Variants in PDE7B observed in about 807,000 individuals in gnomAD.
PDE7B encodes 3',5'-cyclic-AMP phosphodiesterase 7B.
PDE7B carries 29 observed loss-of-function variants against 56.2 expected under a neutral mutation model. The observed-to-expected ratio is 0.52, with a 90% CI of 0.38 to 0.70. PDE7B has a LOEUF of 0.70. Among genes scored for constraint, PDE7B ranks in the 30% least tolerant of loss-of-function variants. PDE7B has a pLI of 0.00. For synonymous variants in PDE7B, 197 were observed against 196.9 expected, an observed-to-expected ratio of 1.00 and a Z score of 0.00; for missense variants, 490 against 565.0, an observed-to-expected ratio of 0.87 and a Z score of 1.35.
At chr6:135,912,304 TA>T (rs1204503375) in intron 1 of PDE7B, among the ~76,000 whole-genome samples, 4 of 151,992 alleles carry the variant, frequency 2.6e-5, no homozygotes, top group Admixed American at 1.3e-4. Flanking sequence ...AATACAACAA[TA>T]AAAAAATACA....
At chr6:136,017,715 G>A (rs1329072993) in intron 2 of PDE7B, among the ~76,000 whole-genome samples, 2 of 152,098 alleles carry the variant, frequency 1.3e-5, no homozygotes, top group African/African-American at 4.8e-5. Flanking sequence ...TGAATTGGGT[G>A]ACTGAAGTTA....
intron 1 of PDE7B, among the ~76,000 whole-genome samples, chr6:135,854,858 C>T (rs932808095): frequency 2.6e-5 from 4 of 152,130 alleles, no homozygotes; most frequent in Admixed American, 2.0e-4. Flanking sequence ...AACTGAATAC[C>T]TATTATGTAC....
At chr6:136,179,379 G>A (rs1216074903) in intron 10 of PDE7B, among the ~76,000 whole-genome samples, 1 of 152,088 alleles carries the variant, frequency 6.6e-6, no homozygotes, top group Non-Finnish European at 1.5e-5. Flanking sequence ...AATCCACTCA[G>A]GGCCATGATC....
Position 136,191,864 on chromosome 6 carries a change from C to T in PDE7B, c.*24C>T. 1 of 1,526,856 alleles carries T rather than the reference C, an allele frequency of 6.5e-7. No homozygotes were observed. The highest frequency in any genetic ancestry group is 8.9e-7 in the Non-Finnish European group (1 of 1,128,506). The allele number at this position is 1,526,856 out of a possible 1,614,324, so 94.6% of individuals were successfully genotyped here. The stretch of plus-strand genomic sequence containing the variant: ...AGGGGCCGGCCCAACTTAGACGCGG[C>T]TCTCCTCCGGCAGGGCCCCCAGAGG... On this transcript the variant is annotated 3_prime_UTR_variant, in exon 13 of 13. Transcript: ENST00000308191.
intron 2 of PDE7B, among the ~76,000 whole-genome samples, chr6:135,996,829 A>G (rs1274076089): frequency 6.6e-6 from 1 of 152,230 alleles, no homozygotes; most frequent in African/African-American, 2.4e-5. Context: ...GGTAGATAAC[A>G]GCAAATATAC....
At chr6:135,948,162 C>A (rs557363658) in intron 2 of PDE7B, among the ~76,000 whole-genome samples, 51 of 151,938 alleles carry the variant, frequency 3.4e-4, no homozygotes, top group African/African-American at 1.2e-3. Flanking sequence ...ATGCACTTAA[C>A]CTCAAAGTGA....
At chr6:135,965,908 A>G (rs1029401882) in intron 2 of PDE7B, among the ~76,000 whole-genome samples, 5 of 152,150 alleles carry the variant, frequency 3.3e-5, no homozygotes, top group African/African-American at 1.2e-4. Context: ...TTTGAACACT[A>G]GTGTCATGGA....
intron 6 of PDE7B, among the ~76,000 whole-genome samples, chr6:136,151,832 G>A (rs190571206): frequency 1.3e-5 from 2 of 152,264 alleles, no homozygotes; most frequent in East Asian, 3.9e-4. Context: ...CCAGCTACTT[G>A]GGAGGCTGAG....
intron 2 of PDE7B, among the ~76,000 whole-genome samples, chr6:136,093,650 G>C (rs1215547717): frequency 6.6e-6 from 1 of 152,138 alleles, no homozygotes; most frequent in Non-Finnish European, 1.5e-5. Context: ...CCCTAGGAGA[G>C]TGTCTACACC....
intron 1 of PDE7B, among the ~76,000 whole-genome samples, chr6:135,887,702 A>C (rs759916438): frequency 1.3e-5 from 2 of 152,142 alleles, no homozygotes; most frequent in Non-Finnish European, 2.9e-5. Flanking sequence ...TTGGCTATGC[A>C]AATCTACACC....
intron 2 of PDE7B, among the ~76,000 whole-genome samples, chr6:136,003,062 C>T (rs1289750599): frequency 6.6e-6 from 1 of 152,034 alleles, no homozygotes; most frequent in Admixed American, 6.6e-5. Context: ...CAAAACCACT[C>T]AACTACATGG....
chr6:136,021,745 T>A (rs926460437), intron 2 of PDE7B, among the ~76,000 whole-genome samples: 2 of 152,178 alleles, frequency 1.3e-5, no homozygotes, highest in African/African-American at 4.8e-5. Context: ...TGTATTAGCC[T>A]CCTGATTAAT....
intron 8 of PDE7B, among the ~76,000 whole-genome samples, chr6:136,157,748 A>G (rs971799211): frequency 1.3e-5 from 2 of 152,216 alleles, no homozygotes; most frequent in Non-Finnish European, 2.9e-5. Flanking sequence ...AGAATGCTAT[A>G]AACTGGGCCT....
intron 2 of PDE7B, among the ~76,000 whole-genome samples, chr6:136,083,841 C>CT (rs35444526): frequency 4.2e-4 from 64 of 151,900 alleles, no homozygotes; most frequent in African/African-American, 1.2e-3. Flanking sequence ...TGATATTTTT[C>CT]TTTTTTTTCA....
chr6:136,016,203 A>C (rs1775974106), intron 2 of PDE7B, among the ~76,000 whole-genome samples: 1 of 152,182 alleles, frequency 6.6e-6, no homozygotes, highest in African/African-American at 2.4e-5. Flanking sequence ...TCTGTGCAAT[A>C]AGGATAATAG....
chr6:135,995,280 A>G lies in PDE7B; in HGVS notation c.82+47756A>G, dbSNP rs150931084. Among the ~76,000 whole-genome samples, 442 of 151,954 alleles carry G rather than the reference A, an allele frequency of 2.9e-3. 2 individuals are homozygous for G. Among genetic ancestry groups the G allele is most frequent in the African/African-American group, 1.0e-2 (414 of 41,416 alleles). On this transcript the variant is annotated intron_variant, in intron 2 of 12. Transcript: ENST00000308191. ...AATCCATCTAAATCCAGCCACAGAC[A>G]TGCAACTTCCTCTGACAAATCCAGG...
chr6:135,975,031 G>A (rs1775158781), intron 2 of PDE7B, among the ~76,000 whole-genome samples: 1 of 152,140 alleles, frequency 6.6e-6, no homozygotes, highest in African/African-American at 2.4e-5. Flanking sequence ...TGATGGTGCT[G>A]AGGCCCCTGG....
Position 135,935,198 on chromosome 6 carries a change from A to ATATT in PDE7B, c.22-12263_22-12262insTTAT, listed in dbSNP as rs1562445473. 2.0e-4 allele frequency among the ~76,000 whole-genome samples: 16 copies of ATATT among 80,166 alleles called. 1 individual carries two copies. Among genetic ancestry groups the ATATT allele is most frequent in the African/African-American group, 3.4e-4 (5 of 14,684 alleles). The allele number at this position is 80,166 out of a possible 152,430, so 52.6% of individuals were successfully genotyped here. ...TATATATATATATTTATTTATATAT[A>ATATT]TATATATATATATATATATTTTCAT... On this transcript the variant is annotated intron_variant, in intron 1 of 12. Transcript: ENST00000308191.
At chr6:136,123,404 G>C (rs1777971067) in intron 3 of PDE7B, among the ~76,000 whole-genome samples, 1 of 152,006 alleles carries the variant, frequency 6.6e-6, no homozygotes, top group South Asian at 2.1e-4. Context: ...GGAAATATTA[G>C]GTCTCCAAAA....
Sources: gnomAD v4.1 joint callset for allele counts (sites outside exome capture counted in the v4.1 genomes callset) on GRCh38, gnomAD v4.1.1 for gene constraint, MANE v1.5 for transcripts, NCBI Gene and HGNC (gene_info 2026-07-23, HGNC 2026-07-21) for gene names.